The following ALK variants were observed in gnomAD, a reference collection of about 807,000 sequenced individuals.
ALK encodes ALK receptor tyrosine kinase.
A neutral mutation model predicts 163.1 loss-of-function variants in ALK; 74 were observed. The ratio of observed to expected loss-of-function variants is 0.45; its 90% confidence interval spans 0.38 to 0.55. The LOEUF (loss-of-function observed/expected upper bound fraction) is 0.55, where lower values mean the gene tolerates loss of function less well. Ranked by LOEUF, ALK falls within the 20% of genes least tolerant of loss-of-function variation. The pLI is 0.00. For missense variants in ALK, 2,063 were observed against 2,105.3 expected, an observed-to-expected ratio of 0.98 and a Z score of 0.39; for synonymous variants, 960 against 843.2, an observed-to-expected ratio of 1.14 and a Z score of -2.40.
chr2:29,336,886 G>C (rs995029195), intron 5 of ALK, among the ~76,000 whole-genome samples: 1 of 152,158 alleles, frequency 6.6e-6, no homozygotes, highest in African/African-American at 2.4e-5. Flanking sequence ...GGAAATTTGA[G>C]TGCTGCTTCA....
chr2:29,328,451 T>C lies in ALK; in HGVS notation c.1313A>G (p.Gln438Arg). The C allele has an allele frequency of 6.2e-7, 1 of 1,614,204 alleles. No homozygotes were observed. Among genetic ancestry groups the C allele is most frequent in the Non-Finnish European group, 8.5e-7 (1 of 1,180,014 alleles). ...GTSPGSKMALQSSFTCWNGTV... is the reference protein window; with the variant it reads ...GTSPGSKMALRSSFTCWNGTV... ...CCCATTCCAACAAGTGAAGGAGCTC[T>C]GCAGGGCCATCTTGGAGCCTGGGGA... Residue 438 changes from glutamine (Q) to arginine (R), a missense_variant, in exon 6 of 29, where the codon CAG (glutamine) becomes CGG (arginine). Around this residue, in one of 5 missense-constraint regions of ALK, gnomAD observed 987 missense variants for 939.5 expected, o/e 1.05. Transcript: ENST00000389048.
At chr2:29,334,869 A>AAACAACGC (rs1363463678) in intron 5 of ALK, among the ~76,000 whole-genome samples, 30 of 152,174 alleles carry the variant, frequency 2.0e-4, no homozygotes, top group African/African-American at 7.2e-4. Context: ...GCACAACAAA[A>AAACAACGC]AACAACGCTC....
At chr2:29,656,417 C>A (rs1458780587) in intron 3 of ALK, among the ~76,000 whole-genome samples, 1 of 152,156 alleles carries the variant, frequency 6.6e-6, no homozygotes, top group Non-Finnish European at 1.5e-5. Flanking sequence ...TGTATTTAAA[C>A]CTGGCCAACT....
At chr2:29,781,362 C>T (rs1226954759) in intron 1 of ALK, among the ~76,000 whole-genome samples, 1 of 152,204 alleles carries the variant, frequency 6.6e-6, no homozygotes, top group Non-Finnish European at 1.5e-5. Flanking sequence ...GGAAACCACT[C>T]TTCTGGGCTT....
chr2:29,594,964 G>A lies in ALK; in HGVS notation c.953-62848C>T, dbSNP rs147165647. The stretch of plus-strand genomic sequence containing the variant: ...TATCTGATAAAAATGCAAAAGGAAG[G>A]AACAGAAGGAATAGATTATTTACAA... On this transcript the variant is annotated intron_variant, in intron 3 of 28. Transcript: ENST00000389048. Among the ~76,000 whole-genome samples, 320 of 151,214 alleles carry A rather than the reference G, an allele frequency of 2.1e-3. 1 individual carries two copies. Among genetic ancestry groups the A allele is most frequent in the African/African-American group, 7.3e-3 (302 of 41,142 alleles).
chr2:29,220,570 C>T (rs532573258), intron 23 of ALK, 136 bp downstream of exon 23: 4 of 1,216,218 alleles, frequency 3.3e-6, no homozygotes, highest in Non-Finnish European at 4.7e-6. Flanking sequence ...CAGTCAGTCA[C>T]CCCCCTGTCC....
intron 1 of ALK, among the ~76,000 whole-genome samples, chr2:29,787,302 G>C (rs769193983): frequency 1.3e-5 from 2 of 152,196 alleles, no homozygotes; most frequent in African/African-American, 4.8e-5. Flanking sequence ...ACAGTGCTGG[G>C]TGCTGGGTAG....
intron 1 of ALK, among the ~76,000 whole-genome samples, chr2:29,883,319 C>G (rs1341358565): frequency 1.3e-5 from 2 of 152,164 alleles, no homozygotes; most frequent in Non-Finnish European, 2.9e-5. Flanking sequence ...TTTCCTTATT[C>G]TAGGTTTTTC....
chr2:29,828,365 T>G (rs1665259681), intron 1 of ALK, among the ~76,000 whole-genome samples: 1 of 152,090 alleles, frequency 6.6e-6, no homozygotes, highest in Non-Finnish European at 1.5e-5. Context: ...GAAACTACCA[T>G]CAGAGTGAAC....
intron 4 of ALK, among the ~76,000 whole-genome samples, chr2:29,519,658 G>A (rs1338088877): frequency 6.6e-6 from 1 of 152,194 alleles, no homozygotes; most frequent in Non-Finnish European, 1.5e-5. Flanking sequence ...ATAGACAAGT[G>A]AGGCTTTTTA....
intron 1 of ALK, among the ~76,000 whole-genome samples, chr2:29,842,924 G>A (rs1665739144): frequency 6.6e-6 from 1 of 152,200 alleles, no homozygotes; most frequent in South Asian, 2.1e-4. Context: ...GATACTGAAA[G>A]GAAGTGGAGG....
intron 5 of ALK, among the ~76,000 whole-genome samples, chr2:29,332,773 A>G (rs1286575394): frequency 2.6e-5 from 4 of 152,236 alleles, no homozygotes; most frequent in East Asian, 1.9e-4. Context: ...ACATTATTCA[A>G]TGATTGGGCT....
At chr2:29,756,812 C>G (rs887312336) in intron 1 of ALK, among the ~76,000 whole-genome samples, 1 of 152,172 alleles carries the variant, frequency 6.6e-6, no homozygotes, top group Non-Finnish European at 1.5e-5. Context: ...CAGGCATGAG[C>G]CACCGCACCT....
intron 3 of ALK, among the ~76,000 whole-genome samples, chr2:29,679,036 T>C (rs1288112734): frequency 1.3e-5 from 2 of 151,922 alleles, no homozygotes; most frequent in African/African-American, 2.4e-5. Flanking sequence ...TTGCTTCATG[T>C]GTTTTGTGGC....
rs767013010 is a variant in ALK at position 29,193,029 on chromosome 2, G to A, written c.*195C>T. On this transcript the variant is annotated 3_prime_UTR_variant, in exon 29 of 29. Coordinates refer to ENST00000389048, the MANE Select transcript of ALK (RefSeq NM_004304.5). ...CATTTTTATGATATTTTCTTCTTTCGAAAGAATAGGATGAACCCATGCTCA... is the reference window on the plus strand; with the variant it reads ...CATTTTTATGATATTTTCTTCTTTCAAAAGAATAGGATGAACCCATGCTCA... 2.9e-5 allele frequency: 18 copies of A among 625,588 alleles called. No homozygotes were observed. Among genetic ancestry groups the A allele is most frequent in the African/African-American group, 2.6e-4 (14 of 54,174 alleles). The allele number at this position is 625,588 out of a possible 1,614,324, so 38.8% of individuals were successfully genotyped here. A position where few individuals can be genotyped will look rare whatever the true frequency, so the allele number is the denominator to read the frequency against.
chr2:29,509,884 G>A (rs1487949322), intron 4 of ALK, among the ~76,000 whole-genome samples: 1 of 152,126 alleles, frequency 6.6e-6, no homozygotes, highest in African/African-American at 2.4e-5. Context: ...CAATCGAAAG[G>A]TAGTTTTTAG....
intron 4 of ALK, among the ~76,000 whole-genome samples, chr2:29,514,646 C>G (rs1350023947): frequency 6.6e-6 from 1 of 152,186 alleles, no homozygotes; most frequent in African/African-American, 2.4e-5. Context: ...GAAGTTTGTA[C>G]TTTTCTCTCC....
At chr2:29,229,183 CGGGGCCCATCTTCAGTGGGGCCT>C (rs1558627710) in intron 15 of ALK, 117 bp from the exon 16 acceptor site, 11 of 881,146 alleles carry the variant, frequency 1.2e-5, no homozygotes, top group Non-Finnish European at 5.6e-6. Flanking sequence ...CTCCAGCTCC[CGGGGCCCATCTTCAGTGGGGCCT>C]GGGGGCTTCA....
At chr2:29,401,277 A>G (rs1162458459) in intron 4 of ALK, among the ~76,000 whole-genome samples, 1 of 151,924 alleles carries the variant, frequency 6.6e-6, no homozygotes, top group Non-Finnish European at 1.5e-5. Flanking sequence ...TCCTTGGTGG[A>G]GGTGGTGGTG....
Sources: gnomAD v4.1 joint callset for allele counts (sites outside exome capture counted in the v4.1 genomes callset) on GRCh38, gnomAD v4.1.1 for gene constraint, gnomAD v4.1.1 regional missense constraint, MANE v1.5 for transcripts, NCBI Gene and HGNC (gene_info 2026-07-23, HGNC 2026-07-21) for gene names.